The following ROBO1 variants were observed in gnomAD, a reference collection of about 807,000 sequenced individuals.
ROBO1 encodes the protein roundabout guidance receptor 1.
ROBO1 carries 149 observed loss-of-function variants against 195.9 expected under a neutral mutation model. The observed-to-expected ratio is 0.76, with a 90% CI of 0.67 to 0.87. The LOEUF (loss-of-function observed/expected upper bound fraction) is 0.87. ROBO1 is among the 40% of genes least tolerant of loss of function. ROBO1 has a pLI of 0.00. For missense variants in ROBO1, 1,933 were observed against 2,068.3 expected (o/e 0.93, Z 1.27); for synonymous variants, 816 against 733.2 (o/e 1.11, Z -1.82).
In ROBO1 at chr3:79,121,553, C is replaced by G. The variant is rs556466061; in HGVS notation, c.172+3903G>C. On this transcript the variant is annotated intron_variant, in intron 3 of 30. Transcript: ENST00000464233. ...CCCTAAATACCCCTATTTGAAATTA[C>G]TATGAAACCTCTGACATTTCATGGC... Among the ~76,000 whole-genome samples the G allele has an allele frequency of 7.9e-5, 12 of 152,036 alleles. 1 individual carries two copies. In the South Asian group the frequency reaches 2.5e-3, roughly 31 times the overall value.
intron 2 of ROBO1, among the ~76,000 whole-genome samples, chr3:79,182,569 G>A (rs954527485): frequency 2.0e-5 from 3 of 151,878 alleles, no homozygotes; most frequent in Non-Finnish European, 4.4e-5. Flanking sequence ...GTGTGTGTGT[G>A]TGCGTGCGTG....
intron 2 of ROBO1, among the ~76,000 whole-genome samples, chr3:79,521,002 A>G (rs997413043): frequency 2.6e-5 from 4 of 152,176 alleles, no homozygotes; most frequent in African/African-American, 9.7e-5. Context: ...TAAAGAGAAA[A>G]TATGCATTTT....
chr3:79,408,103 C>G (rs2037620907), intron 2 of ROBO1, among the ~76,000 whole-genome samples: 1 of 151,878 alleles, frequency 6.6e-6, no homozygotes, highest in Non-Finnish European at 1.5e-5. Flanking sequence ...GTGATCCCAG[C>G]TACTCGGGAG....
intron 2 of ROBO1, among the ~76,000 whole-genome samples, chr3:79,478,751 T>G (rs1304821206): frequency 6.6e-6 from 1 of 152,184 alleles, no homozygotes; most frequent in African/African-American, 2.4e-5. Flanking sequence ...GTAGAACTGA[T>G]GAGCCATTCT....
intron 2 of ROBO1, among the ~76,000 whole-genome samples, chr3:79,477,627 G>A (rs1938612969): frequency 1.3e-5 from 2 of 152,162 alleles, no homozygotes; most frequent in South Asian, 2.1e-4. Flanking sequence ...TTGGGTAAAG[G>A]AGGAGAAAAG....
intron 2 of ROBO1, among the ~76,000 whole-genome samples, chr3:79,528,869 C>G (rs898895736): frequency 5.3e-5 from 8 of 152,060 alleles, no homozygotes; most frequent in Admixed American, 5.2e-4. Flanking sequence ...AAAGAACAAA[C>G]AATTCATCTT....
intron 2 of ROBO1, among the ~76,000 whole-genome samples, chr3:79,329,462 C>T (rs1294288838): frequency 1.3e-5 from 2 of 152,106 alleles, no homozygotes; most frequent in Non-Finnish European, 1.5e-5. Context: ...TGGAATGATG[C>T]CATCATTTTC....
chr3:79,250,712 A>C (rs2082712641), intron 2 of ROBO1, among the ~76,000 whole-genome samples: 1 of 152,216 alleles, frequency 6.6e-6, no homozygotes, highest in Non-Finnish European at 1.5e-5. Context: ...TAGACTAAAT[A>C]ACTAATAATT....
At chr3:78,908,292 A>G (rs939446216) in intron 4 of ROBO1, among the ~76,000 whole-genome samples, 3 of 151,946 alleles carry the variant, frequency 2.0e-5, no homozygotes, top group Non-Finnish European at 2.9e-5. Context: ...TTTTTTACCA[A>G]CATAACCTAC....
At chr3:79,577,761 A>C (rs1010340189) in intron 2 of ROBO1, among the ~76,000 whole-genome samples, 15 of 134,802 alleles carry the variant, frequency 1.1e-4, no homozygotes, top group Admixed American at 5.8e-4. Context: ...CACACACACA[A>C]AATTGCTGGG....
intron 1 of ROBO1, among the ~76,000 whole-genome samples, chr3:79,738,402 CT>C (rs1350026163): frequency 1.3e-5 from 2 of 152,118 alleles, no homozygotes; most frequent in East Asian, 3.9e-4. Context: ...TGCATAAAAT[CT>C]TTAACATTCC....
intron 2 of ROBO1, among the ~76,000 whole-genome samples, chr3:79,423,917 A>T (rs2038335535): frequency 6.6e-6 from 1 of 151,992 alleles, no homozygotes; most frequent in African/African-American, 2.4e-5. Flanking sequence ...CCATCTGCCC[A>T]TATTAACATA....
chr3:79,376,607 C>T (rs2109355347), intron 2 of ROBO1, among the ~76,000 whole-genome samples: 1 of 152,234 alleles, frequency 6.6e-6, no homozygotes, highest in African/African-American at 2.4e-5. Flanking sequence ...CCTGAACACG[C>T]TTTCTTGCCT....
chr3:79,404,601 G>C (rs1484233528), intron 2 of ROBO1, among the ~76,000 whole-genome samples: 1 of 152,096 alleles, frequency 6.6e-6, no homozygotes, highest in Non-Finnish European at 1.5e-5. Flanking sequence ...AGACGATTTG[G>C]TGCCATGCAC....
At chr3:79,022,799 C>T (rs1299228321) in intron 3 of ROBO1, among the ~76,000 whole-genome samples, 1 of 151,980 alleles carries the variant, frequency 6.6e-6, no homozygotes, top group African/African-American at 2.4e-5. Context: ...TTCAGGATCC[C>T]CAAAATTCAG....
chr3:79,709,433 T>C (rs1337343897), intron 1 of ROBO1, among the ~76,000 whole-genome samples: 3 of 152,122 alleles, frequency 2.0e-5, no homozygotes, highest in Non-Finnish European at 4.4e-5. Flanking sequence ...AATTTTCATA[T>C]GGGTGTGAGA....
chr3:78,943,077 G>A (rs747283876), intron 3 of ROBO1, among the ~76,000 whole-genome samples: 10 of 151,868 alleles, frequency 6.6e-5, no homozygotes, highest in South Asian at 6.2e-4. Flanking sequence ...TTAGCCAGGC[G>A]TGGTGGCAGG....
intron 5 of ROBO1, among the ~76,000 whole-genome samples, chr3:78,724,450 C>A (rs184139349): frequency 7.1e-6 from 1 of 140,884 alleles, no homozygotes; most frequent in African/African-American, 2.6e-5. Flanking sequence ...CAGAGGTGGG[C>A]GGATCACCTG....
intron 1 of ROBO1, among the ~76,000 whole-genome samples, chr3:79,716,389 C>T (rs1255318070): frequency 2.6e-5 from 4 of 151,876 alleles, no homozygotes; most frequent in Admixed American, 6.6e-5. Context: ...ATATAATGAA[C>T]AGTACATTCT....
Sources: allele counts gnomAD v4.1 joint callset (sites outside exome capture counted in the v4.1 genomes callset), GRCh38; gene constraint gnomAD v4.1.1; transcripts MANE v1.5; gene names NCBI Gene and HGNC (gene_info 2026-07-23, HGNC 2026-07-21).